LINGO2: variants seen among roughly 807,000 people sequenced by gnomAD.
LINGO2 encodes the protein leucine-rich repeat and immunoglobulin-like domain-containing nogo receptor-interacting protein 2.
A neutral mutation model predicts 30.6 loss-of-function variants in LINGO2; 14 were observed. That is an observed-to-expected ratio of 0.46 (90% confidence interval 0.30 to 0.72). The LOEUF is 0.72. Among genes scored for constraint, LINGO2 ranks in the 30% least tolerant of loss-of-function variants. The pLI, the probability that LINGO2 is intolerant of heterozygous loss-of-function variation, is 0.07. For missense variants in LINGO2, 729 were observed against 751.7 expected, an observed-to-expected ratio of 0.97 and a Z score of 0.35; for synonymous variants, 317 against 288.5, an observed-to-expected ratio of 1.10 and a Z score of -1.00.
chr9:29,117,153 T>C, the LINGO2 span, among the ~76,000 whole-genome samples: 10 of 152,162 alleles, frequency 6.6e-5, no homozygotes, highest in Admixed American at 6.6e-4. Flanking sequence ...AAGCATTTTG[T>C]AATAGTAATT....
intron 4 of LINGO2, among the ~76,000 whole-genome samples, chr9:28,170,291 T>C (rs1439535392): frequency 1.3e-5 from 2 of 152,210 alleles, no homozygotes; most frequent in African/African-American, 4.8e-5. Flanking sequence ...AATATATTAC[T>C]TAAATTAATA....
chr9:28,578,084 A>C (rs1824079160), intron 1 of LINGO2, among the ~76,000 whole-genome samples: 1 of 152,206 alleles, frequency 6.6e-6, no homozygotes, highest in Non-Finnish European at 1.5e-5. Flanking sequence ...GAAGGTGCTG[A>C]AACTTTGATG....
chr9:28,905,929 T>C, the LINGO2 span, among the ~76,000 whole-genome samples: 3 of 152,156 alleles, frequency 2.0e-5, no homozygotes, highest in Non-Finnish European at 4.4e-5. Flanking sequence ...AAAGGATGAA[T>C]AAGTAAAGAA....
intron 2 of LINGO2, among the ~76,000 whole-genome samples, chr9:28,448,217 A>G (rs1009513504): frequency 6.6e-6 from 1 of 152,174 alleles, no homozygotes; most frequent in Non-Finnish European, 1.5e-5. Flanking sequence ...AAAGTTGTGC[A>G]CCTACAAAAT....
At chr9:28,967,821 C>T in the LINGO2 span, among the ~76,000 whole-genome samples, 826 of 152,300 alleles carry the variant, frequency 5.4e-3, 12 homozygotes, top group African/African-American at 0.019. Flanking sequence ...TCTTCTCTTT[C>T]ACCTCTAGCA....
At chr9:28,737,877 G>A in the LINGO2 span, among the ~76,000 whole-genome samples, 3 of 152,020 alleles carry the variant, frequency 2.0e-5, no homozygotes, top group Non-Finnish European at 4.4e-5. Context: ...GCAATGAGAA[G>A]GAAAATAATG....
At chr9:29,014,314 A>G in the LINGO2 span, among the ~76,000 whole-genome samples, 1 of 152,192 alleles carries the variant, frequency 6.6e-6, no homozygotes, top group Non-Finnish European at 1.5e-5. Context: ...GACTCCTCAA[A>G]GTTAACCATC....
the LINGO2 span, among the ~76,000 whole-genome samples, chr9:29,069,757 CATAAGAG>C: frequency 6.6e-6 from 1 of 152,064 alleles, no homozygotes; most frequent in African/African-American, 2.4e-5. Context: ...AAGGATTTTA[CATAAGAG>C]ATACTTTGAG....
chr9:28,933,711 C>G, the LINGO2 span, among the ~76,000 whole-genome samples: 1 of 152,126 alleles, frequency 6.6e-6, no homozygotes, highest in Non-Finnish European at 1.5e-5. Flanking sequence ...CAAATTTGCC[C>G]AAGGCCATTG....
At chr9:28,620,956 C>A (rs1263729134) in intron 1 of LINGO2, among the ~76,000 whole-genome samples, 1 of 152,026 alleles carries the variant, frequency 6.6e-6, no homozygotes, top group Non-Finnish European at 1.5e-5. Context: ...AACAAGCCTG[C>A]ACTTGTACCT....
At chr9:27,943,791 G>A (rs1331531458), downstream of LINGO2, 2 of 152,196 alleles carry the variant, frequency 1.3e-5, no homozygotes, top group Admixed American at 1.3e-4. Context: ...CATCAGGAAA[G>A]GAGGCAAGAA....
At chr9:28,033,752 T>A (rs989394834) in intron 4 of LINGO2, among the ~76,000 whole-genome samples, 2 of 152,240 alleles carry the variant, frequency 1.3e-5, no homozygotes, top group Non-Finnish European at 2.9e-5. Context: ...TTGAAAAGTA[T>A]AACCAGGATA....
At position 28,585,050 on chromosome 9, in the gene LINGO2, T is replaced by G. The variant is rs989958383; in HGVS notation, c.-365+85150A>C. Among the ~76,000 whole-genome samples the G allele has an allele frequency of 2.7e-5, 4 of 148,884 alleles. No individual in the cohort carries two copies. In the East Asian group the frequency reaches 7.9e-4, roughly 30 times the overall value. ...ATTTTAAAACAAATTTTGTAAATCA[T>G]GGAACTGTTAAAAAGAGGCGAGTCA... On this transcript the variant is annotated intron_variant, in intron 1 of 5. Transcript: ENST00000379992.
intron 2 of LINGO2, among the ~76,000 whole-genome samples, chr9:28,388,673 C>A (rs1298540617): frequency 6.6e-6 from 1 of 152,148 alleles, no homozygotes; most frequent in East Asian, 1.9e-4. Context: ...TATGATTTCT[C>A]ATCTGTGGTA....
rs191753521 is a variant in LINGO2, at chr9:28,096,921, C to A, written c.-86-84516G>T. On this transcript the variant is annotated intron_variant, in intron 4 of 5. Coordinates refer to ENST00000379992, the Ensembl canonical transcript of LINGO2. ...TGTCATCATTATAATAGTTTACTGACCTGTTCTGTATGTACATTAAAGCAC... is the reference window on the plus strand; with the variant it reads ...TGTCATCATTATAATAGTTTACTGAACTGTTCTGTATGTACATTAAAGCAC... Among the ~76,000 whole-genome samples the A allele has an allele frequency of 6.0e-4, 92 of 152,074 alleles. 1 individual carries two copies. In the East Asian group the frequency reaches 8.7e-3, roughly 14 times the overall value.
chr9:28,568,731 G>A (rs765074677), intron 1 of LINGO2, among the ~76,000 whole-genome samples: 16 of 151,984 alleles, frequency 1.1e-4, no homozygotes, highest in Non-Finnish European at 2.2e-4. Flanking sequence ...TCCTCTGAAG[G>A]ATGCTTTATC....
At chr9:28,990,006 G>A in the LINGO2 span, among the ~76,000 whole-genome samples, 8 of 152,144 alleles carry the variant, frequency 5.3e-5, no homozygotes, top group African/African-American at 7.2e-5. Context: ...CTGAGGAAAC[G>A]GGTTCATCTC....
chr9:28,398,583 T>C (rs1822143289), intron 2 of LINGO2, among the ~76,000 whole-genome samples: 1 of 152,072 alleles, frequency 6.6e-6, no homozygotes, highest in South Asian at 2.1e-4. Context: ...GAGAGGTTTT[T>C]GAATATGCAG....
chr9:28,847,078 A>G, the LINGO2 span, among the ~76,000 whole-genome samples: 1 of 145,584 alleles, frequency 6.9e-6, no homozygotes, highest in Non-Finnish European at 1.5e-5. Context: ...CTACATGGCT[A>G]AAGTGAATGC....
Sources: allele counts gnomAD v4.1 joint callset (sites outside exome capture counted in the v4.1 genomes callset), GRCh38; gene constraint gnomAD v4.1.1; transcripts MANE v1.5; gene names NCBI Gene and HGNC (gene_info 2026-07-23, HGNC 2026-07-21).